ATRIP: variants seen among roughly 807,000 people sequenced by gnomAD.
ATRIP encodes the protein ATR interacting protein.
In ATRIP, 44 loss-of-function variants were observed where a neutral mutation model predicts 78.1. The observed-to-expected ratio is 0.56, with a 90% CI of 0.44 to 0.72. ATRIP has a LOEUF of 0.72. ATRIP is among the 30% of genes least tolerant of loss of function. The probability of loss-of-function intolerance (pLI) is 0.00; values close to 1 mark genes in which losing one functional copy is unlikely to be tolerated. For missense variants in ATRIP, 927 were observed against 980.2 expected (o/e 0.95, Z 0.72); for synonymous variants, 388 against 408.9 (o/e 0.95, Z 0.62).
chr3:48,447,069 C>A lies in ATRIP; in HGVS notation c.224C>A (p.Pro75Gln). 6.4e-7 allele frequency: 1 copy of A among 1,563,432 alleles called. No individual in the cohort carries two copies. Among genetic ancestry groups the A allele is most frequent in the Non-Finnish European group, 8.6e-7 (1 of 1,158,086 alleles). The change falls in exon 1 of 13, where the codon CCG becomes CAG. Residue 75 changes from proline (P) to glutamine (Q), a missense_variant. By Grantham distance (76) the Pro-to-Gln change is moderately conservative. Coordinates refer to ENST00000320211, the MANE Select transcript of ATRIP (RefSeq NM_130384.3). ...GCGTCACAGGCCCTGAGCCAATGTCCGGCCGCGGCTCGGGACGTGTCCAGT... is the reference window on the plus strand; with the variant it reads ...GCGTCACAGGCCCTGAGCCAATGTCAGGCCGCGGCTCGGGACGTGTCCAGT... ...TLASQALSQC[P>Q]AAARDVSSDH...
Position 48,467,040 on chromosome 3 carries a change from T to A in ATRIP, c.*1486T>A. ...CCTGGTGGCACACAATGGTGACCGC[T>A]ACGACTTCCCCCTGCTCCAAGCAGA... On this transcript the variant is annotated 3_prime_UTR_variant, in exon 13 of 13. Coordinates refer to ENST00000320211, the MANE Select transcript of ATRIP (RefSeq NM_130384.3). The A allele has an allele frequency of 1.9e-5, 30 of 1,613,994 alleles. No homozygotes were observed. Among genetic ancestry groups the A allele is most frequent in the Non-Finnish European group, 2.5e-5 (29 of 1,180,036 alleles).
At position 48,466,963 on chromosome 3, in the gene ATRIP, A is replaced by T. The variant is rs770158462; in HGVS notation, c.*1409A>T. ...CATGGGCGTCAATGTTTTGATGACA[A>T]CCTGGCCAACCTGCTCCTAGCCTTC... On this transcript the variant is annotated 3_prime_UTR_variant, in exon 13 of 13. Transcript: ENST00000320211. 6 of 1,612,244 alleles carry T rather than the reference A, an allele frequency of 3.7e-6. No individual in the cohort carries two copies. In the Admixed American group the frequency reaches 8.3e-5, roughly 22 times the overall value.
chr3:48,464,213 G>GAA (rs1380906145), intron 10 of ATRIP, 81 bp downstream of exon 10: 4 of 1,248,856 alleles, frequency 3.2e-6, no homozygotes, highest in Non-Finnish European at 4.6e-6. Flanking sequence ...TTCCGCTGAG[G>GAA]AGAAACGGAG....
chr3:48,460,304 T>TTGTACA lies in ATRIP; in HGVS notation c.1250_1251insTGTACA (p.Val417_His418insValGln). 5 of 1,614,026 alleles carry TTGTACA rather than the reference T, an allele frequency of 3.1e-6. No individual in the cohort carries two copies. Among genetic ancestry groups the TTGTACA allele is most frequent in the Non-Finnish European group, 4.2e-6 (5 of 1,179,968 alleles). ...CCACTCTGCCAGCTTCCTGGAGCCG[T>TTGTACA]GCATTTCCTCCCCCTTGTACAGTTC... On this transcript the variant is annotated inframe_insertion, in exon 8 of 13. Transcript: ENST00000320211.
At chr3:48,447,188 C>G in intron 1 of ATRIP, 96 bp downstream of exon 1, 1 of 1,305,980 alleles carries the variant, frequency 7.7e-7, no homozygotes, top group African/African-American at 1.5e-5. Flanking sequence ...GCCAGCACTG[C>G]CTTTTCGCCT....
At chr3:48,451,470 A>G (rs554797233) in intron 2 of ATRIP, among the ~76,000 whole-genome samples, 5 of 152,214 alleles carry the variant, frequency 3.3e-5, no homozygotes, top group African/African-American at 1.2e-4. Context: ...CAGCCTAAGC[A>G]ACCCCATCCC....
Position 48,467,172 on chromosome 3 carries a change from C to T in ATRIP, c.*1618C>T, listed in dbSNP as rs1187742452. 2.5e-6 allele frequency: 4 copies of T among 1,613,754 alleles called. No homozygotes were observed. Among genetic ancestry groups the T allele is most frequent in the African/African-American group, 1.3e-5 (1 of 74,858 alleles). On this transcript the variant is annotated 3_prime_UTR_variant, in exon 13 of 13. Transcript: ENST00000320211. ...AGCAAGCAGCCCCTCAGAACACGGCCCAAGGAAGAGCTATAGCCTAGGCAG... is the reference window on the plus strand; with the variant it reads ...AGCAAGCAGCCCCTCAGAACACGGCTCAAGGAAGAGCTATAGCCTAGGCAG...
Position 48,457,365 on chromosome 3 carries a change from C to T in ATRIP, c.778C>T (p.Pro260Ser). 6.2e-7 allele frequency: 1 copy of T among 1,601,860 alleles called. No homozygotes were observed. Among genetic ancestry groups the T allele is most frequent in the Non-Finnish European group, 8.5e-7 (1 of 1,174,612 alleles). Reference protein sequence around the residue: ...KESFSANMSLPHPCQTESGYK... With the variant: ...KESFSANMSLSHPCQTESGYK... ...GTCTTTTAGTGCTAACATGTCCCTTCCCCACCCCTGCCAGACGGAGTCAGG... is the reference window on the plus strand; with the variant it reads ...GTCTTTTAGTGCTAACATGTCCCTTTCCCACCCCTGCCAGACGGAGTCAGG... Residue 260 changes from proline (P) to serine (S), a missense_variant, in exon 5 of 13, where the codon CCC becomes TCC. By Grantham distance (74) the Pro-to-Ser change is moderately conservative. Transcript: ENST00000320211.
At chr3:48,460,875 A>G in intron 8 of ATRIP, 76 bp downstream of exon 8, 1 of 1,374,012 alleles carries the variant, frequency 7.3e-7, no homozygotes, top group Non-Finnish European at 9.9e-7. Context: ...TGGCACTTGT[A>G]CTTTGCTCAC....
At chr3:48,459,993 C>A in intron 7 of ATRIP, 77 bp downstream of exon 7, 1 of 1,561,914 alleles carries the variant, frequency 6.4e-7, no homozygotes, top group Non-Finnish European at 8.6e-7. Flanking sequence ...CCTGGCCAGC[C>A]TGAGAAGTCT....
Position 48,465,577 on chromosome 3 carries a change from G to A in ATRIP, c.*23G>A. On this transcript the variant is annotated 3_prime_UTR_variant, in exon 13 of 13. Transcript: ENST00000320211. ...TGAGGCCCTGAGTGTCCAGCCACATGGTGGCACCAGCACCACTCCTTTCCT... is the reference window on the plus strand; with the variant it reads ...TGAGGCCCTGAGTGTCCAGCCACATAGTGGCACCAGCACCACTCCTTTCCT... The A allele has an allele frequency of 6.3e-7, 1 of 1,594,806 alleles. No individual in the cohort carries two copies. Among genetic ancestry groups the A allele is most frequent in the African/African-American group, 1.3e-5 (1 of 74,638 alleles).
At position 48,465,014 on chromosome 3, in the gene ATRIP, C is replaced by CAG; in HGVS notation, c.2240_2241dup (p.Phe748SerfsTer5). 1 of 1,613,990 alleles carries CAG rather than the reference C, an allele frequency of 6.2e-7. No homozygotes were observed. Among genetic ancestry groups the CAG allele is most frequent in the Non-Finnish European group, 8.5e-7 (1 of 1,180,000 alleles). Reference sequence around the variant, plus strand: ...GATGCACTGCGTGGAGGTCCTGCATCAGTTTGACCAGGTGATGCCGGGGGT... The same window carrying CAG: ...GATGCACTGCGTGGAGGTCCTGCATCAGAGTTTGACCAGGTGATGCCGGGGGT... On this transcript the variant is annotated frameshift_variant, in exon 12 of 13. Coordinates refer to ENST00000320211, the MANE Select transcript of ATRIP (RefSeq NM_130384.3). LOFTEE classifies it high-confidence loss of function.
intron 3 of ATRIP, 94 bp downstream of exon 3, chr3:48,451,993 C>T (rs2039848591): frequency 8.2e-7 from 1 of 1,213,838 alleles, no homozygotes; most frequent in Non-Finnish European, 1.1e-6. Context: ...GATTTCAACA[C>T]TTGTTTGTCT....
At position 48,449,903 on chromosome 3, in the gene ATRIP, A is replaced by G. The variant is rs1179580374; in HGVS notation, c.248-134A>G. Reference sequence around the variant, plus strand: ...CAGTAAGCAGTGATCACACCACTGCACTCCAACCTGGGTAACAGAGCAAGA... The same window carrying G: ...CAGTAAGCAGTGATCACACCACTGCGCTCCAACCTGGGTAACAGAGCAAGA... On this transcript the variant is annotated intron_variant, in intron 1 of 12. Transcript: ENST00000320211. 2.1e-5 allele frequency: 20 copies of G among 941,578 alleles called. 1 individual carries two copies. In the South Asian group the frequency reaches 3.3e-4, roughly 15 times the overall value. The allele number at this position is 941,578 out of a possible 1,614,324, so 58.3% of individuals were successfully genotyped here.
intron 6 of ATRIP, 162 bp from the exon 7 acceptor site, chr3:48,459,625 C>A: frequency 2.6e-6 from 3 of 1,133,142 alleles, no homozygotes; most frequent in Non-Finnish European, 3.8e-6. Flanking sequence ...GGGCCAAGGG[C>A]AGGTATGTCC....
chr3:48,467,073 A>G lies in ATRIP; in HGVS notation c.*1519A>G, dbSNP rs761526437. The G allele has an allele frequency of 1.5e-5, 25 of 1,613,844 alleles. No individual in the cohort carries two copies. Among genetic ancestry groups the G allele is most frequent in the South Asian group, 2.2e-5 (2 of 91,090 alleles). On this transcript the variant is annotated 3_prime_UTR_variant, in exon 13 of 13. Transcript: ENST00000320211. The stretch of plus-strand genomic sequence containing the variant: ...CCCCCTGCTCCAAGCAGAGCTGGCT[A>G]TGCTGGGCCTCACCAGTGCTCTGGA...
chr3:48,446,780 G>T lies in ATRIP; in HGVS notation c.-66G>T. 7.4e-7 allele frequency: 1 copy of T among 1,351,864 alleles called. No homozygotes were observed. 83.7% of individuals were successfully genotyped at this position (1,351,864 alleles called of 1,614,324 possible). ...CGGCGGCGCGCGGACGGTTGGTCCAGTTCTCCGGCCTGGCGGCAGGCAAGT... is the reference window on the plus strand; with the variant it reads ...CGGCGGCGCGCGGACGGTTGGTCCATTTCTCCGGCCTGGCGGCAGGCAAGT... On this transcript the variant is annotated 5_prime_UTR_variant, in exon 1 of 13. Transcript: ENST00000320211.
In ATRIP at chr3:48,467,553, G is replaced by A; in HGVS notation, c.*1999G>A. On this transcript the variant is annotated 3_prime_UTR_variant, in exon 13 of 13. Transcript: ENST00000320211. The stretch of plus-strand genomic sequence containing the variant: ...GGGTCTGCTGGCCATCCTGACCTTG[G>A]CAGTAGCCACACTGTATGGACTATC... 6.2e-7 allele frequency: 1 copy of A among 1,613,828 alleles called. No individual in the cohort carries two copies. The highest frequency in any genetic ancestry group is 8.5e-7 in the Non-Finnish European group (1 of 1,179,974).
chr3:48,467,397 G>A lies in ATRIP; in HGVS notation c.*1843G>A. On this transcript the variant is annotated 3_prime_UTR_variant, in exon 13 of 13. Coordinates refer to ENST00000320211, the MANE Select transcript of ATRIP (RefSeq NM_130384.3). ...TAGGACCAAGCCAAGACCATCTGCT[G>A]TCACAACCACTGCACACCTGGCCAC... The A allele has an allele frequency of 2.5e-6, 4 of 1,614,216 alleles. No homozygotes were observed. Among genetic ancestry groups the A allele is most frequent in the South Asian group, 1.1e-5 (1 of 91,088 alleles).
Sources: gnomAD v4.1 joint callset for allele counts (sites outside exome capture counted in the v4.1 genomes callset) on GRCh38, gnomAD v4.1.1 for gene constraint, MANE v1.5 for transcripts, NCBI Gene and HGNC (gene_info 2026-07-23, HGNC 2026-07-21) for gene names.